Variants in PTPRZ1 observed in about 807,000 individuals in gnomAD.
The protein encoded by PTPRZ1 is receptor-type tyrosine-protein phosphatase zeta.
A neutral mutation model predicts 214.1 loss-of-function variants in PTPRZ1; 82 were observed. That is an observed-to-expected ratio of 0.38 (90% CI 0.32 to 0.46). The LOEUF (loss-of-function observed/expected upper bound fraction) is 0.46, where lower values mean the gene tolerates loss of function less well. Among genes scored for constraint, PTPRZ1 ranks in the 20% least tolerant of loss-of-function variants. The pLI is 1.00. For missense variants in PTPRZ1, 2,603 were observed against 2,748.7 expected (o/e 0.95, Z 1.19); for synonymous variants, 945 against 987.9 (o/e 0.96, Z 0.81).
chr7:121,940,020 A>C (rs578034570), intron 2 of PTPRZ1, among the ~76,000 whole-genome samples: 46 of 152,288 alleles, frequency 3.0e-4, no homozygotes, highest in African/African-American at 8.2e-4. Flanking sequence ...GGTGAAGGAG[A>C]AATCACTGTG....
chr7:122,044,622 A>C, intron 23 of PTPRZ1, 54 bp downstream of exon 23: 1 of 1,568,706 alleles, frequency 6.4e-7, no homozygotes, highest in Non-Finnish European at 8.7e-7. Flanking sequence ...ATGTCCCTGC[A>C]TCTTCTCATT....
chr7:121,876,996 G>A (rs1368352318), intron 1 of PTPRZ1, among the ~76,000 whole-genome samples: 5 of 152,160 alleles, frequency 3.3e-5, no homozygotes, highest in Non-Finnish European at 7.4e-5. Flanking sequence ...CGTTCAGACT[G>A]TTGCATGGAA....
intron 3 of PTPRZ1, among the ~76,000 whole-genome samples, chr7:121,970,054 TG>T (rs1278788303): frequency 6.6e-6 from 1 of 150,558 alleles, no homozygotes; most frequent in Non-Finnish European, 1.5e-5. Flanking sequence ...ATGCGGTGTT[TG>T]GTTTTTTGTC....
intron 25 of PTPRZ1, among the ~76,000 whole-genome samples, chr7:122,052,991 C>T (rs1034049031): frequency 6.6e-6 from 1 of 152,094 alleles, no homozygotes. Context: ...TGAAAGAGCA[C>T]CAATAAGGGA....
chr7:121,995,037 T>A (rs933650957), intron 8 of PTPRZ1, among the ~76,000 whole-genome samples: 6 of 152,224 alleles, frequency 3.9e-5, no homozygotes, highest in Non-Finnish European at 8.8e-5. Flanking sequence ...GCTAGCATAC[T>A]GTACATATGC....
intron 19 of PTPRZ1, among the ~76,000 whole-genome samples, 194 bp from the exon 20 acceptor site, chr7:122,039,260 G>A (rs993859193): frequency 1.3e-5 from 2 of 152,094 alleles, no homozygotes; most frequent in Non-Finnish European, 2.9e-5. Context: ...CCTCATCTCA[G>A]TCTCGTTCAG....
chr7:121,928,007 G>A (rs1199921892), intron 1 of PTPRZ1, 149 bp from the exon 2 acceptor site: 2 of 639,362 alleles, frequency 3.1e-6, no homozygotes, highest in East Asian at 2.6e-5. Context: ...ATAATATAAT[G>A]GTGGTGGTTG....
intron 6 of PTPRZ1, among the ~76,000 whole-genome samples, chr7:121,979,694 G>A (rs1263755455): frequency 6.6e-6 from 1 of 152,134 alleles, no homozygotes; most frequent in Non-Finnish European, 1.5e-5. Context: ...ACATGTTCAA[G>A]CAAATAATGA....
At chr7:121,880,682 A>G (rs919594073) in intron 1 of PTPRZ1, among the ~76,000 whole-genome samples, 11 of 152,194 alleles carry the variant, frequency 7.2e-5, no homozygotes, top group Admixed American at 7.2e-4. Flanking sequence ...TGCTTAGAAC[A>G]TGCTGGCCAG....
chr7:121,919,591 A>G (rs1795530025), intron 1 of PTPRZ1, among the ~76,000 whole-genome samples: 1 of 152,104 alleles, frequency 6.6e-6, no homozygotes. Context: ...CTTTGTAAAT[A>G]GTTTTTATGC....
chr7:122,023,572 T>G (rs1436436264), intron 13 of PTPRZ1, among the ~76,000 whole-genome samples: 1 of 133,826 alleles, frequency 7.5e-6, no homozygotes, highest in African/African-American at 2.8e-5. Flanking sequence ...ATGTATAATT[T>G]TATATATAAT....
chr7:122,052,978 A>C (rs563937067), intron 25 of PTPRZ1, among the ~76,000 whole-genome samples: 1 of 152,312 alleles, frequency 6.6e-6, no homozygotes, highest in South Asian at 2.1e-4. Context: ...CCAGATGCCC[A>C]GATGAAAGAG....
At chr7:121,908,108 G>C (rs1795169454) in intron 1 of PTPRZ1, among the ~76,000 whole-genome samples, 1 of 152,088 alleles carries the variant, frequency 6.6e-6, no homozygotes, top group Non-Finnish European at 1.5e-5. Context: ...AATAAATATA[G>C]AGGAAGAGGA....
rs758728977 is a variant in PTPRZ1, at chr7:122,019,128, CAGT to C, written c.4850_4852del (p.Ser1617del). On this transcript the variant is annotated inframe_deletion, in exon 13 of 30. Coordinates refer to ENST00000393386, the MANE Select transcript of PTPRZ1 (RefSeq NM_002851.3). ...CTCAATTTTCTCTGACTACAGAGGC[CAGT>C]AATAGTAGCCATGAGTCTCGTATTG... 13 of 1,610,138 alleles carry C rather than the reference CAGT, an allele frequency of 8.1e-6. No homozygotes were observed. The highest frequency in any genetic ancestry group is 1.7e-4 in the Middle Eastern group (1 of 6,052).
intron 5 of PTPRZ1, among the ~76,000 whole-genome samples, chr7:121,976,516 T>C (rs924833780): frequency 1.3e-5 from 2 of 152,198 alleles, no homozygotes; most frequent in African/African-American, 4.8e-5. Flanking sequence ...TTGCTTATAG[T>C]ACATAAAAGC....
intron 1 of PTPRZ1, among the ~76,000 whole-genome samples, chr7:121,886,463 A>AACACACACACACAC (rs148244179): frequency 3.4e-5 from 5 of 147,924 alleles, no homozygotes; most frequent in African/African-American, 1.2e-4. Context: ...TATTAAATGT[A>AACACACACACACAC]ACACACACAC....
At chr7:121,923,427 T>C (rs1260071443) in intron 1 of PTPRZ1, among the ~76,000 whole-genome samples, 1 of 152,208 alleles carries the variant, frequency 6.6e-6, no homozygotes, top group Non-Finnish European at 1.5e-5. Flanking sequence ...TTATTTTCTA[T>C]CTGAAAGTTA....
chr7:122,057,405 A>G (rs1044321433), intron 27 of PTPRZ1, among the ~76,000 whole-genome samples: 11 of 151,784 alleles, frequency 7.2e-5, no homozygotes, highest in Non-Finnish European at 1.2e-4. Flanking sequence ...TTTACATACA[A>G]TATGTTTTAT....
At position 122,057,147 on chromosome 7, in the gene PTPRZ1, G is replaced by T. The variant is rs1792376644; in HGVS notation, c.6529-1653G>T. Among the ~76,000 whole-genome samples, 3 of 151,924 alleles carry T rather than the reference G, an allele frequency of 2.0e-5. No homozygotes were observed. In the South Asian group the frequency reaches 6.2e-4, roughly 31 times the overall value. On this transcript the variant is annotated intron_variant, in intron 27 of 29. Transcript: ENST00000393386. ...TTGGGGATATCCTGGGAATTCCCCT[G>T]CTGTGTTATTGTGTTGGATCATCTT...
Sources: allele counts gnomAD v4.1 joint callset (sites outside exome capture counted in the v4.1 genomes callset), GRCh38; gene constraint gnomAD v4.1.1; transcripts MANE v1.5; gene names NCBI Gene and HGNC (gene_info 2026-07-23, HGNC 2026-07-21).